CACNA1C: variants seen among roughly 807,000 people sequenced by gnomAD.
The protein encoded by CACNA1C is voltage-dependent L-type calcium channel subunit alpha-1C.
CACNA1C carries 30 observed loss-of-function variants against 229.0 expected under a neutral mutation model. The observed-to-expected ratio is 0.13, with a 90% CI of 0.10 to 0.18. The LOEUF (loss-of-function observed/expected upper bound fraction) is 0.18, where lower values mean the gene tolerates loss of function less well. CACNA1C is among the 10% of genes least tolerant of loss of function. The pLI, the probability that CACNA1C is intolerant of heterozygous loss-of-function variation, is 1.00. For synonymous variants in CACNA1C, 1,114 were observed against 1,132.5 expected, an observed-to-expected ratio of 0.98 and a Z score of 0.33; for missense variants, 1,658 against 2,845.0, an observed-to-expected ratio of 0.58 and a Z score of 9.49.
Position 2,258,703 on chromosome 12 carries a change from T to G in CACNA1C, c.477+138273T>G, listed in dbSNP as rs111560916. 5.3e-5 allele frequency among the ~76,000 whole-genome samples: 8 copies of G among 152,332 alleles called. 1 individual carries two copies. The highest frequency in any genetic ancestry group is 1.9e-4 in the African/African-American group (8 of 41,584). On this transcript the variant is annotated intron_variant, in intron 3 of 46. Transcript: ENST00000399655. ...TCCCTTTCATCATCACTTTAATCTC[T>G]TCCCTCTCGATTTCAGATAACTCGT... is the stretch of plus-strand genomic sequence containing the variant.
At chr12:2,591,706 A>G (rs556247785) in intron 18 of CACNA1C, among the ~76,000 whole-genome samples, 1 of 152,350 alleles carries the variant, frequency 6.6e-6, no homozygotes, top group South Asian at 2.1e-4. Flanking sequence ...TAGGGCTGCC[A>G]TAACCAGTGA....
intron 3 of CACNA1C, among the ~76,000 whole-genome samples, chr12:2,194,507 T>C (rs1470520749): frequency 6.6e-6 from 1 of 152,106 alleles, no homozygotes; most frequent in African/African-American, 2.4e-5. Flanking sequence ...GTTCATGTAC[T>C]GTTCTTTCTC....
At chr12:2,532,694 C>G (rs1384937587) in intron 9 of CACNA1C, among the ~76,000 whole-genome samples, 1 of 152,186 alleles carries the variant, frequency 6.6e-6, no homozygotes, top group Non-Finnish European at 1.5e-5. Flanking sequence ...ACTCCATCCC[C>G]AAATCAGAAC....
intron 3 of CACNA1C, among the ~76,000 whole-genome samples, chr12:2,432,321 G>A (rs755996753): frequency 3.9e-5 from 6 of 152,210 alleles, no homozygotes; most frequent in African/African-American, 1.2e-4. Context: ...TACAAGAAAG[G>A]AAGTGGATGG....
In CACNA1C at chr12:2,611,997, T is replaced by C. The variant is rs2078042038; in HGVS notation, c.3812T>C (p.Ile1271Thr). The change falls in exon 29 of 47, where the codon ATT (isoleucine) becomes ACT (threonine). Residue 1271 changes from isoleucine (I) to threonine (T), a missense_variant. By Grantham distance (89) the Ile-to-Thr change is moderately conservative. Coordinates refer to ENST00000399655, the MANE Select transcript of CACNA1C (RefSeq NM_000719.7). ...ACCGTGGAGATGATCCTGAAGCTCA[T>C]TGCCTTCAAACCCAAGGTAGGCCTC... Reference protein sequence around the residue: ...LFTVEMILKLIAFKPKHYFCD... With the variant: ...LFTVEMILKLTAFKPKHYFCD... The C allele has an allele frequency of 1.9e-6, 3 of 1,607,794 alleles. No individual in the cohort carries two copies. The highest frequency in any genetic ancestry group is 2.6e-6 in the Non-Finnish European group (3 of 1,174,280).
Position 2,601,834 on chromosome 12 carries a change from T to G in CACNA1C, c.2854-20T>G. ...GGGCTAGGGCCACTCACACTGGTGT[T>G]CCTTTGTCCCTCCCTGCAGATGACT... On this transcript the variant is annotated intron_variant, in intron 21 of 46. Transcript: ENST00000399655. This position sits in a 1 kb window ranked among gnomAD's most constrained non-coding sequence, Gnocchi z 5.9. The G allele has an allele frequency of 6.4e-7, 1 of 1,552,728 alleles. No individual in the cohort carries two copies. The highest frequency in any genetic ancestry group is 1.7e-5 in the Admixed American group (1 of 59,940).
intron 3 of CACNA1C, among the ~76,000 whole-genome samples, chr12:2,194,499 T>A (rs2097344270): frequency 6.6e-6 from 1 of 151,980 alleles, no homozygotes; most frequent in Admixed American, 6.6e-5. Flanking sequence ...CCCTTTCTGT[T>A]CATGTACTGT....
chr12:2,585,983 A>C lies in CACNA1C; in HGVS notation c.2530+79A>C. The C allele has an allele frequency of 1.3e-6, 1 of 786,522 alleles. No homozygotes were observed. The highest frequency in any genetic ancestry group is 2.7e-5 in the East Asian group (1 of 36,414). The allele number at this position is 786,522 out of a possible 1,614,324, so 48.7% of individuals were successfully genotyped here. ...ATTCTAAAGCCACGTGGGAGTGGCC[A>C]TATATTAGGGACCATGGTTCCAGTG... On this transcript the variant is annotated intron_variant, in intron 18 of 46. Coordinates refer to ENST00000399655, the MANE Select transcript of CACNA1C (RefSeq NM_000719.7). The surrounding 1 kb of genome is among the most constrained non-coding windows in gnomAD (Gnocchi z 4.1).
intron 3 of CACNA1C, among the ~76,000 whole-genome samples, chr12:2,158,977 G>A (rs11062134): frequency 0.064 from 9,762 of 152,150 alleles, 980 homozygotes; most frequent in African/African-American, 0.21. Context: ...GGGAAGAGGT[G>A]AAAGAGGGCT....
intron 5 of CACNA1C, among the ~76,000 whole-genome samples, chr12:2,476,025 G>A (rs552218698): frequency 1.3e-5 from 2 of 152,344 alleles, no homozygotes; most frequent in Admixed American, 1.3e-4. Flanking sequence ...GTAAGAAGAA[G>A]CAAAAGTACA....
chr12:2,113,367 G>A (rs1317860943), intron 1 of CACNA1C, among the ~76,000 whole-genome samples: 1 of 152,238 alleles, frequency 6.6e-6, no homozygotes, highest in Non-Finnish European at 1.5e-5. Context: ...AGTTATCTTG[G>A]AGGTCAAACA....
intron 3 of CACNA1C, among the ~76,000 whole-genome samples, chr12:2,273,597 T>C (rs1342482178): frequency 6.6e-6 from 1 of 152,186 alleles, no homozygotes; most frequent in Non-Finnish European, 1.5e-5. Flanking sequence ...TGTGACCTTT[T>C]CTGGGAATCA....
At chr12:2,065,627 T>C (rs548843539) in intron 1 of CACNA1C, among the ~76,000 whole-genome samples, 3 of 152,262 alleles carry the variant, frequency 2.0e-5, no homozygotes, top group African/African-American at 7.2e-5. Context: ...AGGCAGAACA[T>C]GCTTGATGTT....
chr12:2,199,297 CT>C, intron 3 of CACNA1C, among the ~76,000 whole-genome samples: 1 of 152,158 alleles, frequency 6.6e-6, no homozygotes, highest in Non-Finnish European at 1.5e-5. Flanking sequence ...CGTGGATTTC[CT>C]TCCATCTCTG....
At chr12:2,201,708 T>C (rs923808589) in intron 3 of CACNA1C, among the ~76,000 whole-genome samples, 9 of 152,226 alleles carry the variant, frequency 5.9e-5, no homozygotes, top group African/African-American at 2.2e-4. Flanking sequence ...GTGTCACATA[T>C]CAAGTTCTGG....
At chr12:2,143,615 T>C (rs2094463304) in intron 3 of CACNA1C, among the ~76,000 whole-genome samples, 1 of 151,304 alleles carries the variant, frequency 6.6e-6, no homozygotes, top group African/African-American at 2.4e-5. Flanking sequence ...AGTCTGCGTG[T>C]GTCGTAGGCT....
Position 2,584,603 on chromosome 12 carries a change from A to G in CACNA1C, c.2325A>G (p.Arg775=), listed in dbSNP as rs1280678164. The change falls in exon 16 of 47, where the codon AGA becomes AGG. Residue 775 remains arginine, a synonymous_variant. Transcript: ENST00000399655. ...AQKEEEEEKE[R]KKLARTASPE... ...AGGAGGAGGAAGAGGAGAAGGAGAG[A>G]AAGAAGCTGGCCAGGTAACCCTCTA... 7 of 1,612,076 alleles carry G rather than the reference A, an allele frequency of 4.3e-6. No individual in the cohort carries two copies. Among genetic ancestry groups the G allele is most frequent in the South Asian group, 1.1e-5 (1 of 90,826 alleles).
intron 1 of CACNA1C, among the ~76,000 whole-genome samples, chr12:2,091,545 G>A (rs2071019308): frequency 6.6e-6 from 1 of 152,156 alleles, no homozygotes; most frequent in Non-Finnish European, 1.5e-5. Context: ...GAACAATGTA[G>A]CATCTTTTGC....
chr12:2,147,162 GA>G (rs1423193616), intron 3 of CACNA1C, among the ~76,000 whole-genome samples: 5 of 151,368 alleles, frequency 3.3e-5, no homozygotes, highest in African/African-American at 9.7e-5. Context: ...ATCACTGAGA[GA>G]GGGGGGGAAC....
Sources: gnomAD v4.1 joint callset for allele counts (sites outside exome capture counted in the v4.1 genomes callset) on GRCh38, gnomAD v4.1.1 for gene constraint, Gnocchi (gnomAD v3.1) non-coding constraint, MANE v1.5 for transcripts, NCBI Gene and HGNC (gene_info 2026-07-23, HGNC 2026-07-21) for gene names.